Variants in CNTN4 observed in about 807,000 individuals in gnomAD.
CNTN4 encodes the protein contactin 4, also known as contactin-4.
CNTN4 carries 77 observed loss-of-function variants against 122.5 expected under a neutral mutation model. That is an observed-to-expected ratio of 0.63 (90% CI 0.52 to 0.76). The LOEUF is 0.76. CNTN4 is among the 30% of genes least tolerant of loss of function. CNTN4 has a pLI of 0.00. For synonymous variants in CNTN4, 512 were observed against 447.0 expected, an observed-to-expected ratio of 1.15 and a Z score of -1.83; for missense variants, 1,256 against 1,259.1, an observed-to-expected ratio of 1.00 and a Z score of 0.04.
intron 6 of CNTN4, among the ~76,000 whole-genome samples, chr3:2,767,622 G>A (rs1375080622): frequency 6.6e-6 from 1 of 152,142 alleles, no homozygotes; most frequent in Non-Finnish European, 1.5e-5. Flanking sequence ...AATACCTCAT[G>A]GTGGAAAATG....
intron 3 of CNTN4, among the ~76,000 whole-genome samples, chr3:2,390,328 G>A (rs2046398460): frequency 6.6e-6 from 1 of 151,180 alleles, no homozygotes; most frequent in Non-Finnish European, 1.5e-5. Context: ...GAAGCATATA[G>A]TAATTATACT....
chr3:2,850,865 T>G (rs2093538523), intron 7 of CNTN4, among the ~76,000 whole-genome samples: 1 of 152,172 alleles, frequency 6.6e-6, no homozygotes, highest in African/African-American at 2.4e-5. Context: ...AACTTTTAAC[T>G]TAAGAATGTG....
In CNTN4 at chr3:2,642,487, T is replaced by C. The variant is rs1361236061; in HGVS notation, c.55+70929T>C. On this transcript the variant is annotated intron_variant, in intron 4 of 24. Transcript: ENST00000418658. ...CCAATATTAACCATTAAACTCTCCTTCCTCTATTAAACCACATAAATTATA... is the reference window on the plus strand; with the variant it reads ...CCAATATTAACCATTAAACTCTCCTCCCTCTATTAAACCACATAAATTATA... Among the ~76,000 whole-genome samples, 17 of 152,150 alleles carry C rather than the reference T, an allele frequency of 1.1e-4. 1 individual carries two copies. Among genetic ancestry groups the C allele is most frequent in the African/African-American group, 3.9e-4 (16 of 41,434 alleles).
intron 8 of CNTN4, among the ~76,000 whole-genome samples, chr3:2,876,875 T>C (rs956228628): frequency 1.3e-5 from 2 of 152,202 alleles, no homozygotes; most frequent in African/African-American, 4.8e-5. Flanking sequence ...ATATGTTTAT[T>C]AATGTTAGGT....
At chr3:2,320,490 A>G (rs1338190184) in intron 2 of CNTN4, among the ~76,000 whole-genome samples, 1 of 152,144 alleles carries the variant, frequency 6.6e-6, no homozygotes, top group African/African-American at 2.4e-5. Flanking sequence ...CATAGAATCA[A>G]TCTATGCTAT....
At chr3:2,955,220 A>G (rs1055081710) in intron 13 of CNTN4, among the ~76,000 whole-genome samples, 2 of 152,224 alleles carry the variant, frequency 1.3e-5, no homozygotes, top group Non-Finnish European at 2.9e-5. Context: ...ATAATGAGCA[A>G]GATTAGATGC....
At chr3:2,712,975 G>C (rs2087244293) in intron 4 of CNTN4, among the ~76,000 whole-genome samples, 1 of 152,288 alleles carries the variant, frequency 6.6e-6, no homozygotes, top group South Asian at 2.1e-4. Flanking sequence ...GCCTTCATCT[G>C]TATCCTTTGT....
At chr3:3,044,873 T>C (rs1439500916) in intron 23 of CNTN4, among the ~76,000 whole-genome samples, 1 of 152,180 alleles carries the variant, frequency 6.6e-6, no homozygotes, top group Non-Finnish European at 1.5e-5. Context: ...AGCAAAGCTG[T>C]GACAGACAGC....
intron 16 of CNTN4, 97 bp from the exon 17 acceptor site, chr3:3,034,535 A>G (rs2125701608): frequency 7.9e-7 from 1 of 1,272,576 alleles, no homozygotes; most frequent in Non-Finnish European, 1.1e-6. Context: ...GAATGGGTAG[A>G]TAAATGAATG....
At chr3:2,379,672 G>A (rs1002453917) in intron 3 of CNTN4, among the ~76,000 whole-genome samples, 17 of 152,154 alleles carry the variant, frequency 1.1e-4, no homozygotes, top group Non-Finnish European at 2.4e-4. Flanking sequence ...CTGTTGTCAT[G>A]ACTTTTTCAG....
intron 3 of CNTN4, among the ~76,000 whole-genome samples, chr3:2,403,683 A>AT (rs1028203143): frequency 1.3e-5 from 2 of 152,090 alleles, no homozygotes; most frequent in African/African-American, 2.4e-5. Flanking sequence ...GATTGTTTAT[A>AT]TTTTTTTGAA....
chr3:2,845,899 A>C lies in CNTN4; in HGVS notation c.455-20853A>C, dbSNP rs374717500. Among the ~76,000 whole-genome samples the C allele has an allele frequency of 2.6e-5, 4 of 152,220 alleles. No homozygotes were observed. In the South Asian group the frequency reaches 6.2e-4, roughly 24 times the overall value. On this transcript the variant is annotated intron_variant, in intron 7 of 24. Transcript: ENST00000418658. ...TCTTTCATAACTTGGCTTTTTCAAAATAGATGTCAACTAAAGGCAGCTGAG... is the reference window on the plus strand; with the variant it reads ...TCTTTCATAACTTGGCTTTTTCAAACTAGATGTCAACTAAAGGCAGCTGAG...
At position 2,747,795 on chromosome 3, in the gene CNTN4, A is replaced by G. The variant is rs530665570; in HGVS notation, c.358+2098A>G. Among the ~76,000 whole-genome samples, 10 of 152,348 alleles carry G rather than the reference A, an allele frequency of 6.6e-5. 1 individual carries two copies. ...ATTTGGTTTGAAAAATTCTAGTGAC[A>G]GAAAGTTCACCAATTCATCACGAGG... On this transcript the variant is annotated intron_variant, in intron 6 of 24. Coordinates refer to ENST00000418658, the MANE Select transcript of CNTN4 (RefSeq NM_175607.3).
chr3:2,100,697 T>C (rs1055242823), intron 2 of CNTN4, 58 bp downstream of exon 2: 1 of 152,266 alleles, frequency 6.6e-6, no homozygotes, highest in African/African-American at 2.4e-5. Context: ...TGGGAATATC[T>C]GCAGTGGGTC....
At chr3:2,971,998 T>G (rs756939623) in intron 13 of CNTN4, among the ~76,000 whole-genome samples, 4 of 152,174 alleles carry the variant, frequency 2.6e-5, no homozygotes, top group African/African-American at 9.6e-5. Context: ...GAAATAAACC[T>G]GAATGCTTAT....
chr3:2,885,752 T>C (rs1248348072), intron 9 of CNTN4, among the ~76,000 whole-genome samples: 1 of 152,214 alleles, frequency 6.6e-6, no homozygotes, highest in African/African-American at 2.4e-5. Context: ...GCTGGCTGAT[T>C]CTTTTGCTTT....
intron 4 of CNTN4, among the ~76,000 whole-genome samples, chr3:2,579,341 G>A (rs535185438): frequency 6.8e-4 from 104 of 152,302 alleles, no homozygotes; most frequent in African/African-American, 2.5e-3. Context: ...TTAAATGTGG[G>A]ATCAGTGATG....
chr3:2,189,525 A>C (rs1222238136), intron 2 of CNTN4, among the ~76,000 whole-genome samples: 1 of 152,152 alleles, frequency 6.6e-6, no homozygotes, highest in African/African-American at 2.4e-5. Flanking sequence ...AATCAGTTTG[A>C]TCCATGGAAT....
At chr3:2,321,487 A>G (rs576362479) in intron 2 of CNTN4, among the ~76,000 whole-genome samples, 2 of 152,240 alleles carry the variant, frequency 1.3e-5, no homozygotes, top group Non-Finnish European at 2.9e-5. Context: ...TGTTTAAATG[A>G]GAAGAGATTT....
Sources: allele counts gnomAD v4.1 joint callset (sites outside exome capture counted in the v4.1 genomes callset), GRCh38; gene constraint gnomAD v4.1.1; transcripts MANE v1.5; gene names NCBI Gene and HGNC (gene_info 2026-07-23, HGNC 2026-07-21).